MIB1: variants seen among roughly 807,000 people sequenced by gnomAD.
The protein encoded by MIB1 is MIB E3 ubiquitin protein ligase 1.
A neutral mutation model predicts 124.5 loss-of-function variants in MIB1; 278 were observed. The observed-to-expected ratio is 2.23, with a 90% CI of 2.02 to 2.47. The LOEUF (loss-of-function observed/expected upper bound fraction) is 2.47. Among genes scored for constraint, MIB1 ranks in the 30% most tolerant of loss-of-function variants. The pLI is 0.00. For missense variants in MIB1, 957 were observed against 1,254.4 expected, an observed-to-expected ratio of 0.76 and a Z score of 3.58; for synonymous variants, 446 against 429.4, an observed-to-expected ratio of 1.04 and a Z score of -0.48.
intron 1 of MIB1, among the ~76,000 whole-genome samples, chr18:21,728,963 G>T (rs2040755346): frequency 6.6e-6 from 1 of 152,152 alleles, no homozygotes; most frequent in African/African-American, 2.4e-5. Context: ...GTATCCCAGG[G>T]TTGTGGCCAC....
chr18:21,766,019 T>C (rs1392153536), intron 2 of MIB1, 76 bp downstream of exon 2: 3 of 1,395,358 alleles, frequency 2.1e-6, no homozygotes, highest in Non-Finnish European at 3.0e-6. Context: ...GCCTTAAAAA[T>C]AGGATTAGCA....
chr18:21,723,173 G>A (rs191077111), intron 1 of MIB1, among the ~76,000 whole-genome samples: 5 of 151,688 alleles, frequency 3.3e-5, no homozygotes, highest in Admixed American at 6.6e-5. Context: ...TTTGTTTTTC[G>A]AATTCTTCCA....
chr18:21,734,818 C>T (rs560891818), intron 1 of MIB1, among the ~76,000 whole-genome samples: 6 of 152,258 alleles, frequency 3.9e-5, no homozygotes, highest in South Asian at 4.1e-4. Flanking sequence ...CATGAGCCAC[C>T]GCTCCCAGCC....
intron 1 of MIB1, among the ~76,000 whole-genome samples, chr18:21,763,185 G>A (rs997478322): frequency 2.6e-5 from 4 of 151,794 alleles, no homozygotes; most frequent in Non-Finnish European, 5.9e-5. Context: ...GAGAATATTG[G>A]TCCCAGAGTA....
chr18:21,768,840 C>A, intron 3 of MIB1, 88 bp downstream of exon 3: 1 of 1,074,242 alleles, frequency 9.3e-7, no homozygotes. Flanking sequence ...ATTTCTTGGT[C>A]CATTGTTTTC....
In MIB1 at chr18:21,741,060, G is replaced by A. The variant is rs538811366; in HGVS notation, c.-524G>A. 2.0e-5 allele frequency among the ~76,000 whole-genome samples: 3 copies of A among 152,122 alleles called. No homozygotes were observed. Among genetic ancestry groups the A allele is most frequent in the Admixed American group, 2.0e-4 (3 of 15,294 alleles). ...AGGGCCCGGGCGCTCGCCGGACGCC[G>A]GGAGGTACCACCGCTGCCCACGGGG... is the stretch of plus-strand genomic sequence containing the variant. On this transcript the variant is annotated 5_prime_UTR_variant, in exon 1 of 21. Transcript: ENST00000261537. This position sits in a 1 kb window ranked among gnomAD's most constrained non-coding sequence, Gnocchi z 5.4.
chr18:21,849,144 T>G, intron 16 of MIB1, 52 bp from the exon 17 acceptor site: 1 of 1,152,028 alleles, frequency 8.7e-7, no homozygotes, highest in Non-Finnish European at 1.2e-6. Context: ...AACATTTTAA[T>G]TAGTGAATTT....
At chr18:21,731,115 T>C (rs2040767735) in intron 1 of MIB1, among the ~76,000 whole-genome samples, 1 of 152,232 alleles carries the variant, frequency 6.6e-6, no homozygotes, top group Admixed American at 6.5e-5. Context: ...TGACGCTCTC[T>C]GGGTTTATTC....
At chr18:21,848,057 A>G (rs973009499) in intron 16 of MIB1, among the ~76,000 whole-genome samples, 2 of 152,162 alleles carry the variant, frequency 1.3e-5, no homozygotes, top group Non-Finnish European at 2.9e-5. Context: ...ATGAAATGTC[A>G]TCTCTTTGGA....
In MIB1 at chr18:21,815,008, G is replaced by GTT. The variant is rs1491221200; in HGVS notation, c.1480-605_1480-604dup. On this transcript the variant is annotated intron_variant, in intron 10 of 20. Coordinates refer to ENST00000261537, the MANE Select transcript of MIB1 (RefSeq NM_020774.4). ...GGAATGCTGAAAGTTCAAGCTGTTG[G>GTT]TTTTATATATATATATATATATATA... is the stretch of plus-strand genomic sequence containing the variant. Among the ~76,000 whole-genome samples the GTT allele has an allele frequency of 1.2e-4, 6 of 48,268 alleles. No individual in the cohort carries two copies. The South Asian group carries it at 2.4e-3, about 20-fold the overall frequency. 31.7% of individuals were successfully genotyped at this position (48,268 alleles called of 152,430 possible).
At chr18:21,734,936 T>A (rs1429365413) in intron 1 of MIB1, among the ~76,000 whole-genome samples, 1 of 152,250 alleles carries the variant, frequency 6.6e-6, no homozygotes, top group Non-Finnish European at 1.5e-5. Context: ...ACACAAAAAA[T>A]GGAACTCCAT....
intron 13 of MIB1, among the ~76,000 whole-genome samples, chr18:21,841,869 T>C (rs1210315308): frequency 1.3e-5 from 2 of 152,020 alleles, no homozygotes; most frequent in Non-Finnish European, 2.9e-5. Flanking sequence ...GGTGCACCTA[T>C]GCAATGAATA....
intron 3 of MIB1, among the ~76,000 whole-genome samples, chr18:21,769,601 C>A (rs1461331980): frequency 6.6e-6 from 1 of 152,178 alleles, no homozygotes; most frequent in Admixed American, 6.5e-5. Flanking sequence ...CATTAGATAT[C>A]TTACTTAGCT....
intron 1 of MIB1, among the ~76,000 whole-genome samples, chr18:21,755,166 T>G (rs1598593592): frequency 6.6e-6 from 1 of 152,320 alleles, no homozygotes; most frequent in African/African-American, 2.4e-5. Context: ...TTACAGCAAT[T>G]TAACCATTTC....
intron 1 of MIB1, among the ~76,000 whole-genome samples, chr18:21,715,661 A>G (rs1318629098): frequency 2.6e-5 from 4 of 152,064 alleles, no homozygotes; most frequent in Non-Finnish European, 4.4e-5. Context: ...AGATATCATA[A>G]ATAAAAAAAA....
At chr18:21,728,135 G>A (rs1325443382) in intron 1 of MIB1, among the ~76,000 whole-genome samples, 3 of 152,094 alleles carry the variant, frequency 2.0e-5, no homozygotes, top group Admixed American at 6.5e-5. Context: ...ACCCCCAACC[G>A]CTTCCCTGCC....
chr18:21,760,010 TG>T (rs1165158022), intron 1 of MIB1, among the ~76,000 whole-genome samples: 1 of 152,206 alleles, frequency 6.6e-6, no homozygotes, highest in East Asian at 1.9e-4. Flanking sequence ...TTAGAGCAGA[TG>T]GTCATTTGAG....
chr18:21,733,340 GA>G (rs1458370444), intron 1 of MIB1, among the ~76,000 whole-genome samples: 2 of 152,238 alleles, frequency 1.3e-5, no homozygotes, highest in East Asian at 3.9e-4. Flanking sequence ...CTACAGCCTT[GA>G]ACTCCTAGGC....
Position 21,756,930 on chromosome 18 carries a change from A to C in MIB1, c.230-8842A>C, listed in dbSNP as rs550025626. 5.9e-5 allele frequency among the ~76,000 whole-genome samples: 9 copies of C among 152,316 alleles called. No individual in the cohort carries two copies. The South Asian group carries it at 1.9e-3, about 32-fold the overall frequency. On this transcript the variant is annotated intron_variant, in intron 1 of 20. Coordinates refer to ENST00000261537, the MANE Select transcript of MIB1 (RefSeq NM_020774.4). Reference sequence around the variant, plus strand: ...GTGTGTGGCATTATGCATACTTGTAATAGACTGGCAGAGGCTTCCAAAATA... The same window carrying C: ...GTGTGTGGCATTATGCATACTTGTACTAGACTGGCAGAGGCTTCCAAAATA...
Sources: gnomAD v4.1 joint callset for allele counts (sites outside exome capture counted in the v4.1 genomes callset) on GRCh38, gnomAD v4.1.1 for gene constraint, Gnocchi (gnomAD v3.1) non-coding constraint, MANE v1.5 for transcripts, NCBI Gene and HGNC (gene_info 2026-07-23, HGNC 2026-07-21) for gene names.